Variants in HDAC11 observed in about 807,000 individuals in gnomAD.
The protein encoded by HDAC11 is histone deacetylase 11.
HDAC11 carries 23 observed loss-of-function variants against 41.1 expected under a neutral mutation model. That is an observed-to-expected ratio of 0.56 (90% CI 0.40 to 0.79). The LOEUF (loss-of-function observed/expected upper bound fraction) is 0.79. Among genes scored for constraint, HDAC11 ranks in the 30% least tolerant of loss-of-function variants. The pLI is 0.00. For synonymous variants in HDAC11, 187 were observed against 186.6 expected (o/e 1.00, Z -0.02); for missense variants, 402 against 477.3 (o/e 0.84, Z 1.47).
At chr3:13,481,182 C>T (rs1021541642) in intron 1 of HDAC11, 64 bp from the exon 2 acceptor site, 9 of 1,542,002 alleles carry the variant, frequency 5.8e-6, no homozygotes, top group African/African-American at 4.1e-5. Flanking sequence ...CAGGCGGGCT[C>T]GGGAGGGAGC....
intron 3 of HDAC11, among the ~76,000 whole-genome samples, chr3:13,485,507 G>C (rs980538923): frequency 6.6e-6 from 1 of 152,328 alleles, no homozygotes; most frequent in African/African-American, 2.4e-5. Flanking sequence ...GGCTGGGGGT[G>C]GGGGGCCTAG....
chr3:13,492,442 G>A (rs1701908877), intron 3 of HDAC11, among the ~76,000 whole-genome samples: 2 of 152,364 alleles, frequency 1.3e-5, no homozygotes, highest in East Asian at 1.9e-4. Flanking sequence ...ATCCTTTTGA[G>A]GGAGATAGAT....
intron 3 of HDAC11, among the ~76,000 whole-genome samples, chr3:13,486,718 C>T (rs1444871591): frequency 6.6e-6 from 1 of 151,806 alleles, no homozygotes. Flanking sequence ...GCTAGGATTA[C>T]AGGCACCTGC....
In HDAC11 at chr3:13,502,948, G is replaced by T. The variant is rs772579463; in HGVS notation, c.617G>T (p.Arg206Leu). The change falls in exon 8 of 10, where the codon CGC becomes CTC. Residue 206 changes from arginine (R) to leucine (L), a missense_variant. Transcript: ENST00000295757. This position sits in a 1 kb window ranked among gnomAD's most constrained non-coding sequence, Gnocchi z 4.1. The stretch of plus-strand genomic sequence containing the variant: ...GTGTACATCATGGATGTCTACAACC[G>T]CCACATCTACCCAGGGGACCGCTTT... ...KRVYIMDVYN[R>L]HIYPGDRFAK... is the part of the protein sequence containing the mutation. 2 of 1,613,560 alleles carry T rather than the reference G, an allele frequency of 1.2e-6. No homozygotes were observed. Among genetic ancestry groups the T allele is most frequent in the African/African-American group, 1.3e-5 (1 of 74,894 alleles).
In HDAC11 at chr3:13,505,703, T is replaced by C. The variant is rs1702591058; in HGVS notation, c.*1020T>C. The C allele has an allele frequency of 6.6e-6, 1 of 152,144 alleles. No homozygotes were observed. The highest frequency in any genetic ancestry group is 1.5e-5 in the Non-Finnish European group (1 of 68,076). 9.4% of individuals were successfully genotyped at this position (152,144 alleles called of 1,614,324 possible). On this transcript the variant is annotated 3_prime_UTR_variant, in exon 10 of 10. Transcript: ENST00000295757. Reference sequence around the variant, plus strand: ...TATCCTGGCCTGGGGATTATGAACATAGGTAGCCGGGGCAGGGCCCTGGGT... The same window carrying C: ...TATCCTGGCCTGGGGATTATGAACACAGGTAGCCGGGGCAGGGCCCTGGGT...
intron 2 of HDAC11, 68 bp from the exon 3 acceptor site, chr3:13,483,396 G>C (rs1701411596): frequency 2.2e-6 from 3 of 1,355,848 alleles, no homozygotes; most frequent in Non-Finnish European, 3.2e-6. Context: ...GCAGCCTGTG[G>C]GAGGGTCTGG....
intron 5 of HDAC11, 50 bp from the exon 6 acceptor site, chr3:13,500,663 T>G: frequency 2.7e-6 from 4 of 1,457,888 alleles, no homozygotes; most frequent in Non-Finnish European, 1.9e-6. Context: ...GCTCCTGGAC[T>G]GAGCCTGGGA....
intron 3 of HDAC11, among the ~76,000 whole-genome samples, chr3:13,491,060 T>C (rs1340262876): frequency 2.1e-5 from 3 of 144,500 alleles, no homozygotes; most frequent in East Asian, 2.0e-4. Flanking sequence ...GTTTCTTAGC[T>C]TTAATAGTTG....
rs1427297968 is a variant in HDAC11 at position 13,480,772 on chromosome 3, A to G, written c.2+423A>G. 2 of 462,552 alleles carry G rather than the reference A, an allele frequency of 4.3e-6. No homozygotes were observed. Among genetic ancestry groups the G allele is most frequent in the East Asian group, 7.4e-5 (1 of 13,596 alleles). The allele number at this position is 462,552 out of a possible 1,614,324, so 28.7% of individuals were successfully genotyped here. A position where few individuals can be genotyped will look rare whatever the true frequency, so the allele number is the denominator to read the frequency against. ...GGATCCCCGCCCCCCGCCCTGGCTCAGGTTGGGTCCCGACTTGGGTTTCTG... is the reference window on the plus strand; with the variant it reads ...GGATCCCCGCCCCCCGCCCTGGCTCGGGTTGGGTCCCGACTTGGGTTTCTG... On this transcript the variant is annotated intron_variant, in intron 1 of 9. Transcript: ENST00000295757. The surrounding 1 kb of genome is among the most constrained non-coding windows in gnomAD (Gnocchi z 4.6).
chr3:13,503,290 C>T (rs1275686258), intron 8 of HDAC11: 12 of 233,500 alleles, frequency 5.1e-5, no homozygotes, highest in East Asian at 1.1e-4. Flanking sequence ...ATAGGCTGGG[C>T]GCGGTGGCTC....
At chr3:13,501,745 GGT>G (rs1702375417) in intron 6 of HDAC11, 124 bp from the exon 7 acceptor site, 1 of 805,444 alleles carries the variant, frequency 1.2e-6, no homozygotes, top group African/African-American at 1.7e-5. Flanking sequence ...ATCTTTGCTG[GGT>G]GGCCTGATTA....
chr3:13,498,632 G>A (rs1702219293), intron 5 of HDAC11, 77 bp downstream of exon 5: 6 of 1,384,746 alleles, frequency 4.3e-6, no homozygotes, highest in Admixed American at 1.8e-5. Context: ...GGGGGAGGGC[G>A]GGAGGATCCT....
At position 13,496,726 on chromosome 3, in the gene HDAC11, T is replaced by C; in HGVS notation, c.253-10T>C. ...AAGCGGAGGCCAACAGCCCCTGTCT[T>C]TTTCCGCAGTGGTCCTTTGCTGTTG... On this transcript the variant is annotated splice_polypyrimidine_tract_variant and intron_variant, in intron 3 of 9. Transcript: ENST00000295757. 1 of 1,578,764 alleles carries C rather than the reference T, an allele frequency of 6.3e-7. No individual in the cohort carries two copies.
In HDAC11 at chr3:13,485,259, C is replaced by A. The variant is rs149255854; in HGVS notation, c.252+1695C>A. Among the ~76,000 whole-genome samples, 760 of 152,316 alleles carry A rather than the reference C, an allele frequency of 5.0e-3. 5 individuals carry two copies. Among genetic ancestry groups the A allele is most frequent in the African/African-American group, 0.017 (708 of 41,564 alleles). On this transcript the variant is annotated intron_variant, in intron 3 of 9. Coordinates refer to ENST00000295757, the MANE Select transcript of HDAC11 (RefSeq NM_024827.4). ...GACAGTGTGAGCACATGAAAGATTA[C>A]CAGGAAGAGGTTGAAACCTGGCTCC...
In HDAC11 at chr3:13,506,340, G is replaced by A. The variant is rs1313879120; in HGVS notation, c.*1657G>A. On this transcript the variant is annotated 3_prime_UTR_variant, in exon 10 of 10. Coordinates refer to ENST00000295757, the MANE Select transcript of HDAC11 (RefSeq NM_024827.4). ...AATCCCTACCTCCTAGGGGTGAAAGGAAATGAAAATGGAAAGTTCTTGTAG... is the reference window on the plus strand; with the variant it reads ...AATCCCTACCTCCTAGGGGTGAAAGAAAATGAAAATGGAAAGTTCTTGTAG... 6.6e-6 allele frequency: 1 copy of A among 152,278 alleles called. No individual in the cohort carries two copies. The highest frequency in any genetic ancestry group is 2.4e-5 in the African/African-American group (1 of 41,442). The allele number at this position is 152,278 out of a possible 1,614,324, so 9.4% of individuals were successfully genotyped here.
intron 8 of HDAC11, 133 bp from the exon 9 acceptor site, chr3:13,503,961 T>G: frequency 1.3e-6 from 1 of 785,440 alleles, no homozygotes; most frequent in Non-Finnish European, 2.0e-6. Context: ...TTCACCTTAG[T>G]TTTGGGTGGA....
At chr3:13,485,400 C>T (rs903722407) in intron 3 of HDAC11, among the ~76,000 whole-genome samples, 1 of 152,220 alleles carries the variant, frequency 6.6e-6, no homozygotes, top group Non-Finnish European at 1.5e-5. Context: ...GCCAGGAGGA[C>T]ATGCCTGCCA....
At chr3:13,492,763 TGAACTC>T (rs1701925279) in intron 3 of HDAC11, among the ~76,000 whole-genome samples, 5 of 152,142 alleles carry the variant, frequency 3.3e-5, no homozygotes, top group Admixed American at 3.3e-4. Flanking sequence ...AGGCTGGTCG[TGAACTC>T]TGGACCTCAA....
rs779541446 is a variant in HDAC11, at chr3:13,504,453, C to T, written c.829-15C>T. ...GGTCTGGCCTGCCTGAGTCACCCTCCTCTTCCCCTAACAGGGCATCGTGAA... is the reference window on the plus strand; with the variant it reads ...GGTCTGGCCTGCCTGAGTCACCCTCTTCTTCCCCTAACAGGGCATCGTGAA... On this transcript the variant is annotated splice_polypyrimidine_tract_variant and intron_variant, in intron 9 of 9. Coordinates refer to ENST00000295757, the MANE Select transcript of HDAC11 (RefSeq NM_024827.4). The T allele has an allele frequency of 1.9e-5, 30 of 1,612,532 alleles. No homozygotes were observed. In the South Asian group the frequency reaches 2.9e-4, roughly 15 times the overall value.
Sources: allele counts gnomAD v4.1 joint callset (sites outside exome capture counted in the v4.1 genomes callset), GRCh38; gene constraint gnomAD v4.1.1; non-coding constraint Gnocchi (gnomAD v3.1); transcripts MANE v1.5; gene names NCBI Gene and HGNC (gene_info 2026-07-23, HGNC 2026-07-21).